The following RANBP2 variants were observed in gnomAD, a reference collection of about 807,000 sequenced individuals.
The protein encoded by RANBP2 is E3 SUMO-protein ligase RanBP2.
RANBP2 carries 57 observed loss-of-function variants against 303.6 expected under a neutral mutation model. The observed-to-expected ratio is 0.19, with a 90% confidence interval of 0.15 to 0.23. The LOEUF is 0.23. Ranked by LOEUF, RANBP2 falls within the 10% of genes least tolerant of loss-of-function variation. The pLI is 1.00. For missense variants in RANBP2, 3,138 were observed against 3,780.8 expected, an observed-to-expected ratio of 0.83 and a Z score of 4.46; for synonymous variants, 1,167 against 1,301.5, an observed-to-expected ratio of 0.90 and a Z score of 2.23.
At chr2:109,496,011 T>C in the RANBP2 span, among the ~76,000 whole-genome samples, 2 of 152,276 alleles carry the variant, frequency 1.3e-5, no homozygotes, top group East Asian at 3.9e-4. Flanking sequence ...ACCTTCGCGG[T>C]GAAGAGCAAA....
chr2:108,766,184 T>G lies in RANBP2; in HGVS notation c.5645T>G (p.Phe1882Cys), dbSNP rs1387857950. Reference protein sequence around the residue: ...FMFQGSSNTEFKSTKEGFSIP... With the variant: ...FMFQGSSNTECKSTKEGFSIP... Reference sequence around the variant, plus strand: ...TTTCAGGGTTCTTCTAATACAGAATTTAAGTCAACCAAAGAAGGATTTTCC... The same window carrying G: ...TTTCAGGGTTCTTCTAATACAGAATGTAAGTCAACCAAAGAAGGATTTTCC... Residue 1882 changes from phenylalanine to cysteine, a missense_variant, in exon 20 of 29, where the codon TTT (phenylalanine) becomes TGT (cysteine). By Grantham distance (205) the Phe-to-Cys change is radical. This residue lies in a region of RANBP2 where 348 missense variants were observed against 360.4 expected (regional missense o/e 0.97). Transcript: ENST00000283195. The G allele has an allele frequency of 8.7e-6, 14 of 1,612,166 alleles. No individual in the cohort carries two copies. The highest frequency in any genetic ancestry group is 1.2e-5 in the Non-Finnish European group (14 of 1,179,994).
the RANBP2 span, among the ~76,000 whole-genome samples, chr2:108,948,952 C>T: frequency 2.0e-5 from 3 of 152,150 alleles, no homozygotes; most frequent in African/African-American, 7.2e-5. Flanking sequence ...ACCCCCATCA[C>T]TAAAAAACTT....
chr2:109,545,515 C>G, the RANBP2 span: 2 of 1,535,994 alleles, frequency 1.3e-6, no homozygotes, highest in Non-Finnish European at 8.7e-7. Flanking sequence ...CATCAATGCA[C>G]AGGAGTTCGA....
At chr2:109,510,104 G>C in the RANBP2 span, among the ~76,000 whole-genome samples, 1 of 152,166 alleles carries the variant, frequency 6.6e-6, no homozygotes, top group African/African-American at 2.4e-5. Flanking sequence ...CGGTTGGCGG[G>C]AACGGTGTGT....
chr2:108,752,724 C>T (rs574263448), intron 12 of RANBP2, among the ~76,000 whole-genome samples: 3 of 150,174 alleles, frequency 2.0e-5, no homozygotes, highest in South Asian at 2.1e-4. Flanking sequence ...ACCCAGGAGG[C>T]GGAGCTTGCA....
the RANBP2 span, among the ~76,000 whole-genome samples, chr2:109,180,413 C>T: frequency 7.2e-5 from 11 of 152,208 alleles, no homozygotes; most frequent in Non-Finnish European, 1.0e-4. Flanking sequence ...AGGCCATTAG[C>T]TAGCCAATGA....
chr2:109,102,251 C>T, the RANBP2 span, among the ~76,000 whole-genome samples: 1 of 152,024 alleles, frequency 6.6e-6, no homozygotes, highest in Non-Finnish European at 1.5e-5. Flanking sequence ...CAGGCGCCTG[C>T]CACCATGCCT....
At chr2:109,094,666 C>T in the RANBP2 span, among the ~76,000 whole-genome samples, 1 of 152,112 alleles carries the variant, frequency 6.6e-6, no homozygotes, top group Non-Finnish European at 1.5e-5. Context: ...CCTGTCTCTA[C>T]TAAAAGTACA....
the RANBP2 span, among the ~76,000 whole-genome samples, chr2:109,691,498 C>T: frequency 6.6e-6 from 1 of 152,134 alleles, no homozygotes; most frequent in African/African-American, 2.4e-5. Context: ...GACTACCCTG[C>T]ACTTGGCTAG....
At chr2:109,234,290 A>G in the RANBP2 span, among the ~76,000 whole-genome samples, 1 of 152,242 alleles carries the variant, frequency 6.6e-6, no homozygotes, top group Non-Finnish European at 1.5e-5. Flanking sequence ...CCTTTCATGG[A>G]CAGTTCATAT....
chr2:108,841,046 A>G, the RANBP2 span, among the ~76,000 whole-genome samples: 13 of 151,820 alleles, frequency 8.6e-5, no homozygotes, highest in African/African-American at 2.9e-4. Context: ...TTTAGTAGGG[A>G]TGGGGTTTCA....
the RANBP2 span, among the ~76,000 whole-genome samples, chr2:109,354,545 G>A: frequency 6.6e-6 from 1 of 152,344 alleles, no homozygotes; most frequent in East Asian, 1.9e-4. Context: ...GGTTTATCCA[G>A]AGCTGCTGAG....
the RANBP2 span, among the ~76,000 whole-genome samples, chr2:108,815,128 G>GA: frequency 1.3e-5 from 2 of 151,934 alleles, no homozygotes; most frequent in Admixed American, 6.5e-5. Flanking sequence ...AGATTTCTAG[G>GA]AAAAAAATGT....
chr2:109,133,799 ATGAGTACAACT>A, the RANBP2 span, among the ~76,000 whole-genome samples: 4 of 146,620 alleles, frequency 2.7e-5, no homozygotes, highest in African/African-American at 1.0e-4. Flanking sequence ...ATTTAGCATT[ATGAGTACAACT>A]TGCATTAGCA....
chr2:109,356,993 G>A, the RANBP2 span, among the ~76,000 whole-genome samples: 1 of 152,122 alleles, frequency 6.6e-6, no homozygotes, highest in Non-Finnish European at 1.5e-5. Context: ...AGACATGCTA[G>A]CACTGAATGC....
At chr2:109,514,276 G>A in the RANBP2 span, among the ~76,000 whole-genome samples, 1 of 152,178 alleles carries the variant, frequency 6.6e-6, no homozygotes, top group Admixed American at 6.5e-5. Context: ...TTACGGCTCT[G>A]AGCTGGTAAA....
chr2:109,061,652 A>G, the RANBP2 span, among the ~76,000 whole-genome samples: 8 of 152,238 alleles, frequency 5.3e-5, no homozygotes, highest in Non-Finnish European at 8.8e-5. Context: ...GTGCAATAAT[A>G]GAAAAATATT....
At chr2:109,289,827 A>G in the RANBP2 span, among the ~76,000 whole-genome samples, 7 of 152,290 alleles carry the variant, frequency 4.6e-5, no homozygotes, top group Middle Eastern at 3.4e-3. Flanking sequence ...CGGGAAATCA[A>G]CTAACTTTCT....
the RANBP2 span, chr2:109,614,788 C>T: frequency 6.8e-7 from 1 of 1,474,404 alleles, no homozygotes; most frequent in Non-Finnish European, 8.9e-7. Flanking sequence ...ATCCAGGTGA[C>T]CGCCGAGCCC....
Sources: allele counts gnomAD v4.1 joint callset (sites outside exome capture counted in the v4.1 genomes callset), GRCh38; gene constraint gnomAD v4.1.1; regional missense constraint gnomAD v4.1.1; transcripts MANE v1.5; gene names NCBI Gene and HGNC (gene_info 2026-07-23, HGNC 2026-07-21).